Variants in PTGER3 observed in about 807,000 individuals in gnomAD.
The protein encoded by PTGER3 is prostaglandin E receptor 3.
PTGER3 carries 22 observed loss-of-function variants against 34.7 expected under a neutral mutation model. The observed-to-expected ratio is 0.63, with a 90% CI of 0.45 to 0.91. PTGER3 has a LOEUF of 0.91. Among genes scored for constraint, PTGER3 ranks in the 40% least tolerant of loss-of-function variants. The pLI, the probability that PTGER3 is intolerant of heterozygous loss-of-function variation, is 0.00. For missense variants in PTGER3, 468 were observed against 519.4 expected (o/e 0.90, Z 0.96); for synonymous variants, 241 against 230.1 (o/e 1.05, Z -0.43).
chr1:70,862,480 G>T (rs1274222954), intron 4 of PTGER3: 3 of 861,908 alleles, frequency 3.5e-6, no homozygotes, highest in African/African-American at 3.5e-5. Flanking sequence ...GGATAATTTG[G>T]ATATGGTGTA....
At chr1:70,977,943 C>G (rs1440167406) in intron 2 of PTGER3, among the ~76,000 whole-genome samples, 1 of 152,108 alleles carries the variant, frequency 6.6e-6, no homozygotes, top group Non-Finnish European at 1.5e-5. Flanking sequence ...ATTAGAAGGT[C>G]CTCTCCCTTT....
chr1:70,998,921 C>T (rs895002503), intron 2 of PTGER3, among the ~76,000 whole-genome samples: 9 of 152,114 alleles, frequency 5.9e-5, no homozygotes, highest in African/African-American at 2.2e-4. Flanking sequence ...GTGGCTCACG[C>T]CTGTAATCCC....
At chr1:70,887,289 G>T (rs190363682) in intron 4 of PTGER3, among the ~76,000 whole-genome samples, 3 of 152,236 alleles carry the variant, frequency 2.0e-5, no homozygotes, top group Admixed American at 6.5e-5. Context: ...TTCCTTCCTG[G>T]CACTTTTCAT....
intron 4 of PTGER3, among the ~76,000 whole-genome samples, chr1:70,910,116 A>G (rs1257017011): frequency 1.3e-5 from 2 of 152,374 alleles, no homozygotes; most frequent in East Asian, 3.9e-4. Flanking sequence ...CAACATGATC[A>G]CAACCTTAAT....
chr1:70,895,498 G>C (rs567465919), intron 4 of PTGER3, among the ~76,000 whole-genome samples: 1 of 152,272 alleles, frequency 6.6e-6, no homozygotes, highest in East Asian at 1.9e-4. Flanking sequence ...TCCAGTGTAA[G>C]AGCTGATTAA....
chr1:70,968,277 C>A (rs933239184), downstream of PTGER3, among the ~76,000 whole-genome samples: 1 of 152,118 alleles, frequency 6.6e-6, no homozygotes, highest in Non-Finnish European at 1.5e-5. Context: ...GTCCATACAG[C>A]CCACTTAAAG....
chr1:70,977,226 C>A (rs1055132200), intron 2 of PTGER3, among the ~76,000 whole-genome samples: 1 of 152,036 alleles, frequency 6.6e-6, no homozygotes, highest in African/African-American at 2.4e-5. Context: ...TCACAGACAC[C>A]AAATGGAGAC....
At chr1:70,863,728 A>G (rs1313442586) in intron 4 of PTGER3, among the ~76,000 whole-genome samples, 1 of 152,106 alleles carries the variant, frequency 6.6e-6, no homozygotes, top group Non-Finnish European at 1.5e-5. Context: ...GGATAGGAAC[A>G]GAGAAGAAAG....
At chr1:70,934,119 C>A (rs1648981874) in intron 4 of PTGER3, among the ~76,000 whole-genome samples, 2 of 152,040 alleles carry the variant, frequency 1.3e-5, no homozygotes, top group Non-Finnish European at 2.9e-5. Flanking sequence ...ACAATATATT[C>A]TTATTTAATT....
chr1:71,015,498 A>T (rs1284568667), intron 1 of PTGER3, among the ~76,000 whole-genome samples: 2 of 152,232 alleles, frequency 1.3e-5, no homozygotes, highest in African/African-American at 4.8e-5. Flanking sequence ...GGCAAAATTG[A>T]CTACTATTGT....
downstream of PTGER3, chr1:70,952,314 T>G (rs2100587881): frequency 1.5e-6 from 1 of 668,310 alleles, no homozygotes; most frequent in South Asian, 6.7e-5. Context: ...CGTGATGGGG[T>G]TATGAACCCT....
intron 4 of PTGER3, among the ~76,000 whole-genome samples, chr1:70,867,492 G>A (rs960029903): frequency 1.3e-5 from 2 of 152,166 alleles, no homozygotes; most frequent in South Asian, 2.1e-4. Flanking sequence ...AGGCCGAGGC[G>A]GGCAGATCAC....
intron 4 of PTGER3, among the ~76,000 whole-genome samples, chr1:70,887,397 T>C (rs1294540010): frequency 6.6e-6 from 1 of 152,240 alleles, no homozygotes; most frequent in East Asian, 1.9e-4. Flanking sequence ...TTGCTGGTTA[T>C]GCTTATTACA....
chr1:70,929,909 C>A (rs1291801001), intron 4 of PTGER3, among the ~76,000 whole-genome samples: 1 of 152,128 alleles, frequency 6.6e-6, no homozygotes, highest in Non-Finnish European at 1.5e-5. Context: ...AGAAACCATT[C>A]TGAACTATAT....
At chr1:70,990,582 G>T (rs903685911) in intron 2 of PTGER3, among the ~76,000 whole-genome samples, 2 of 151,680 alleles carry the variant, frequency 1.3e-5, no homozygotes, top group African/African-American at 2.4e-5. Flanking sequence ...AGGCTGGAGG[G>T]CAGTGGCATA....
chr1:70,927,540 C>A (rs1029038704), intron 4 of PTGER3, among the ~76,000 whole-genome samples: 2 of 152,112 alleles, frequency 1.3e-5, no homozygotes, highest in Non-Finnish European at 2.9e-5. Flanking sequence ...TAAAAATGAG[C>A]TTGTTCAGCC....
chr1:71,018,576 AG>A (rs1274317925), intron 1 of PTGER3, among the ~76,000 whole-genome samples: 4 of 152,272 alleles, frequency 2.6e-5, no homozygotes, highest in Admixed American at 1.3e-4. Context: ...ACTATCCTCC[AG>A]AAAGTGTTCT....
intron 2 of PTGER3, among the ~76,000 whole-genome samples, chr1:70,979,100 G>A (rs1255622990): frequency 6.6e-6 from 1 of 152,118 alleles, no homozygotes; most frequent in Non-Finnish European, 1.5e-5. Context: ...ACTAAAACAT[G>A]TGAGCTAGCC....
intron 4 of PTGER3, among the ~76,000 whole-genome samples, chr1:70,914,166 T>C (rs1419436348): frequency 1.3e-5 from 2 of 151,804 alleles, no homozygotes; most frequent in African/African-American, 2.4e-5. Context: ...AATGGATGAA[T>C]GTGGCTATAA....
Sources: gnomAD v4.1 joint callset for allele counts (sites outside exome capture counted in the v4.1 genomes callset) on GRCh38, gnomAD v4.1.1 for gene constraint, MANE v1.5 for transcripts, NCBI Gene and HGNC (gene_info 2026-07-23, HGNC 2026-07-21) for gene names.